The following DDHD1 variants were observed in gnomAD, a reference collection of about 807,000 sequenced individuals.
DDHD1 encodes the protein phospholipase DDHD1.
DDHD1 carries 49 observed loss-of-function variants against 96.4 expected under a neutral mutation model. The observed-to-expected ratio is 0.51, with a 90% CI of 0.40 to 0.64. The LOEUF (loss-of-function observed/expected upper bound fraction) is 0.64, where lower values mean the gene tolerates loss of function less well. Among genes scored for constraint, DDHD1 ranks in the 30% least tolerant of loss-of-function variants. The pLI is 0.00. For synonymous variants in DDHD1, 442 were observed against 446.5 expected (o/e 0.99, Z 0.13); for missense variants, 1,106 against 1,161.2 (o/e 0.95, Z 0.69).
At chr14:53,133,387 G>A (rs186274855) in intron 1 of DDHD1, among the ~76,000 whole-genome samples, 14 of 152,200 alleles carry the variant, frequency 9.2e-5, no homozygotes, top group African/African-American at 2.9e-4. Flanking sequence ...ATACTTCCTC[G>A]GTTTGGCCTT....
At chr14:53,145,360 GGGCATGGTGACGTGCACCTATGGACCTA>G (rs1156375562) in intron 1 of DDHD1, among the ~76,000 whole-genome samples, 2 of 151,818 alleles carry the variant, frequency 1.3e-5, no homozygotes, top group Non-Finnish European at 2.9e-5. Flanking sequence ...AAAATTAGCT[GGGCATGGTGACGTGCACCTATGGACCTA>G]GCTTCTTTGA....
At chr14:53,105,581 C>T (rs1281344869) in intron 1 of DDHD1, among the ~76,000 whole-genome samples, 2 of 152,064 alleles carry the variant, frequency 1.3e-5, no homozygotes, top group Non-Finnish European at 2.9e-5. Context: ...CTGGATTCTA[C>T]TTTGTTCAGC....
intron 1 of DDHD1, among the ~76,000 whole-genome samples, chr14:53,125,362 T>C (rs1889348197): frequency 6.6e-6 from 1 of 152,104 alleles, no homozygotes; most frequent in Non-Finnish European, 1.5e-5. Flanking sequence ...TCTAGGTACT[T>C]AGCTAAGAAA....
chr14:53,096,472 T>C (rs1420778865), intron 2 of DDHD1, among the ~76,000 whole-genome samples: 6 of 152,086 alleles, frequency 3.9e-5, no homozygotes, highest in African/African-American at 1.2e-4. Context: ...TCATGTTTAA[T>C]GTCTTTGCAT....
intron 4 of DDHD1, among the ~76,000 whole-genome samples, chr14:53,079,361 C>T (rs1040483913): frequency 1.3e-5 from 2 of 151,890 alleles, no homozygotes; most frequent in Admixed American, 6.6e-5. Flanking sequence ...TCACTGGAAC[C>T]GACATGTACT....
chr14:53,124,716 A>C (rs1441430260), intron 1 of DDHD1, among the ~76,000 whole-genome samples: 1 of 152,240 alleles, frequency 6.6e-6, no homozygotes, highest in Admixed American at 6.5e-5. Context: ...AAACCTGCAT[A>C]TATGTCTTAG....
intron 6 of DDHD1, among the ~76,000 whole-genome samples, chr14:53,069,333 T>C (rs1884316929): frequency 6.6e-6 from 1 of 152,214 alleles, no homozygotes; most frequent in Non-Finnish European, 1.5e-5. Flanking sequence ...AATACATGCA[T>C]GAACAGGCAT....
At chr14:53,110,400 T>G (rs1158749794) in intron 1 of DDHD1, among the ~76,000 whole-genome samples, 1 of 152,214 alleles carries the variant, frequency 6.6e-6, no homozygotes, top group Non-Finnish European at 1.5e-5. Flanking sequence ...TACTCTCTCC[T>G]CCTTAAAACC....
At chr14:53,151,112 T>A (rs1891321028) in intron 1 of DDHD1, among the ~76,000 whole-genome samples, 1 of 152,234 alleles carries the variant, frequency 6.6e-6, no homozygotes, top group Non-Finnish European at 1.5e-5. Flanking sequence ...ACCTAGTTAT[T>A]GAATATATAT....
At chr14:53,127,627 C>A (rs182304346) in intron 1 of DDHD1, among the ~76,000 whole-genome samples, 108 of 152,286 alleles carry the variant, frequency 7.1e-4, no homozygotes, top group African/African-American at 2.3e-3. Context: ...ATTTTCCCCA[C>A]CAAGTCTTCT....
At chr14:53,139,970 A>G (rs914362877) in intron 1 of DDHD1, among the ~76,000 whole-genome samples, 3 of 152,152 alleles carry the variant, frequency 2.0e-5, no homozygotes, top group Non-Finnish European at 4.4e-5. Context: ...AGCAACATGT[A>G]TAATTAGATG....
At chr14:53,100,374 T>G (rs186044120) in intron 2 of DDHD1, among the ~76,000 whole-genome samples, 2 of 151,928 alleles carry the variant, frequency 1.3e-5, no homozygotes, top group East Asian at 3.9e-4. Context: ...GAGGCTGAGG[T>G]GGGAGGGTCC....
intron 2 of DDHD1, 130 bp from the exon 3 acceptor site, chr14:53,093,574 A>G (rs533282434): frequency 1.7e-6 from 2 of 1,202,730 alleles, no homozygotes; most frequent in Admixed American, 2.8e-5. Flanking sequence ...TAATTCAATA[A>G]AACACTATTT....
At chr14:53,053,060 T>C (rs1214621335) in intron 11 of DDHD1, 2 of 151,818 alleles carry the variant, frequency 1.3e-5, no homozygotes, top group Non-Finnish European at 2.9e-5. Flanking sequence ...TTCTAGGGGG[T>C]TAAACCCTAC....
chr14:53,064,451 A>G (rs937029314), intron 6 of DDHD1, among the ~76,000 whole-genome samples: 6 of 152,108 alleles, frequency 3.9e-5, no homozygotes, highest in African/African-American at 1.4e-4. Context: ...GTTTGTTAAA[A>G]AAGGAAATCA....
At chr14:53,076,489 T>C (rs1595129941) in intron 4 of DDHD1, among the ~76,000 whole-genome samples, 1 of 152,252 alleles carries the variant, frequency 6.6e-6, no homozygotes, top group Non-Finnish European at 1.5e-5. Flanking sequence ...GGACTCTTGG[T>C]GAAGATGTGA....
rs866916431 is a variant in DDHD1, at chr14:53,103,833, G to A, written c.862C>T (p.Arg288Cys). 3.1e-6 allele frequency: 5 copies of A among 1,602,170 alleles called. No individual in the cohort carries two copies. Among genetic ancestry groups the A allele is most frequent in the Non-Finnish European group, 2.5e-6 (3 of 1,176,598 alleles). Reference sequence around the variant, plus strand: ...GTGCCGTCAATAAACCACTGTCCACGCATTACTGGTATTTTATCAGCCTCT... The same window carrying A: ...GTGCCGTCAATAAACCACTGTCCACACATTACTGGTATTTTATCAGCCTCT... Reference protein sequence around the residue: ...WNQADKIPVMRGQWFIDGTWQ... With the variant: ...WNQADKIPVMCGQWFIDGTWQ... The change falls in exon 2 of 13, where the codon CGT (arginine) becomes TGT (cysteine). Residue 288 changes from arginine to cysteine, a missense_variant. By Grantham distance (180) the Arg-to-Cys change is radical. Transcript: ENST00000673822.
intron 2 of DDHD1, among the ~76,000 whole-genome samples, chr14:53,098,767 T>C (rs113426693): frequency 0.012 from 1,851 of 152,082 alleles, 45 homozygotes; most frequent in African/African-American, 0.042. Flanking sequence ...GAATACACAC[T>C]TCATCCACCA....
At chr14:53,106,813 G>A (rs774660343) in intron 1 of DDHD1, among the ~76,000 whole-genome samples, 4 of 152,090 alleles carry the variant, frequency 2.6e-5, no homozygotes, top group Admixed American at 6.5e-5. Context: ...TCCATGATGG[G>A]GCCTTTTAAT....
Sources: gnomAD v4.1 joint callset for allele counts (sites outside exome capture counted in the v4.1 genomes callset) on GRCh38, gnomAD v4.1.1 for gene constraint, MANE v1.5 for transcripts, NCBI Gene and HGNC (gene_info 2026-07-23, HGNC 2026-07-21) for gene names.